The following NDUFAF2 variants were observed in gnomAD, a reference collection of about 807,000 sequenced individuals.
NDUFAF2 encodes the protein NADH dehydrogenase [ubiquinone] 1 alpha subcomplex assembly factor 2.
In NDUFAF2, 13 loss-of-function variants were observed where a neutral mutation model predicts 22.8. The ratio of observed to expected loss-of-function variants is 0.57; its 90% confidence interval spans 0.37 to 0.91. The LOEUF is 0.91. Among genes scored for constraint, NDUFAF2 ranks in the 40% least tolerant of loss-of-function variants. NDUFAF2 has a pLI of 0.01. For synonymous variants in NDUFAF2, 53 were observed against 64.2 expected, an observed-to-expected ratio of 0.83 and a Z score of 0.84; for missense variants, 162 against 195.2, an observed-to-expected ratio of 0.83 and a Z score of 1.01.
intron 2 of NDUFAF2, among the ~76,000 whole-genome samples, chr5:61,092,580 G>A (rs1752582492): frequency 6.6e-6 from 1 of 152,132 alleles, no homozygotes; most frequent in African/African-American, 2.4e-5. Flanking sequence ...CTTTGCTGAA[G>A]TTGCTTATCA....
intron 1 of NDUFAF2, among the ~76,000 whole-genome samples, chr5:60,949,866 C>T (rs904120824): frequency 6.6e-5 from 10 of 152,036 alleles, no homozygotes; most frequent in Admixed American, 2.6e-4. Context: ...CTTTAAAAAA[C>T]GTAATTTCTA....
At chr5:61,100,997 A>G (rs1278057359) in intron 3 of NDUFAF2, among the ~76,000 whole-genome samples, 1 of 152,114 alleles carries the variant, frequency 6.6e-6, no homozygotes, top group African/African-American at 2.4e-5. Context: ...CTTCATCCAT[A>G]CTAGTATCCC....
At chr5:61,137,906 T>TTGCC (rs998950418) in intron 3 of NDUFAF2, among the ~76,000 whole-genome samples, 7 of 152,266 alleles carry the variant, frequency 4.6e-5, no homozygotes, top group Non-Finnish European at 7.3e-5. Context: ...GGAGCAAGTA[T>TTGCC]TGCCCATCAG....
At chr5:61,073,500 C>G (rs1052923642) in intron 2 of NDUFAF2, among the ~76,000 whole-genome samples, 9 of 152,228 alleles carry the variant, frequency 5.9e-5, no homozygotes, top group Admixed American at 2.0e-4. Flanking sequence ...TAAGCAGGCA[C>G]TCACTTTCAT....
chr5:60,992,407 T>G (rs988726135), intron 1 of NDUFAF2, among the ~76,000 whole-genome samples: 3 of 152,244 alleles, frequency 2.0e-5, no homozygotes, highest in African/African-American at 7.2e-5. Flanking sequence ...CCCTACTGTT[T>G]TCTTTTAGTA....
At chr5:60,971,499 G>C (rs1473058431) in intron 1 of NDUFAF2, among the ~76,000 whole-genome samples, 2 of 151,884 alleles carry the variant, frequency 1.3e-5, no homozygotes, top group African/African-American at 4.8e-5. Context: ...GTGTTAGCCA[G>C]GATGGTCTCG....
At position 61,105,629 on chromosome 5, in the gene NDUFAF2, C is replaced by CA. The variant is rs35145386; in HGVS notation, c.258+6612dup. On this transcript the variant is annotated intron_variant, in intron 3 of 3. Coordinates refer to ENST00000296597, the MANE Select transcript of NDUFAF2 (RefSeq NM_174889.5). Reference sequence around the variant, plus strand: ...AAATCTCAGAAGCAATGATACTGAGCAAAAAAAAAAAAAAAGCAGCTACAG... The same window carrying CA: ...AAATCTCAGAAGCAATGATACTGAGCAAAAAAAAAAAAAAAAGCAGCTACAG... Among the ~76,000 whole-genome samples, 731 of 117,672 alleles carry CA rather than the reference C, an allele frequency of 6.2e-3. 14 individuals are homozygous for CA. The highest frequency in any genetic ancestry group is 0.022 in the African/African-American group (632 of 29,292). 77.2% of individuals were successfully genotyped at this position (117,672 alleles called of 152,430 possible). A position where few individuals can be genotyped will look rare whatever the true frequency, so the allele number is the denominator to read the frequency against.
intron 1 of NDUFAF2, among the ~76,000 whole-genome samples, chr5:60,964,793 C>T (rs1041441565): frequency 6.6e-6 from 1 of 152,118 alleles, no homozygotes; most frequent in Non-Finnish European, 1.5e-5. Flanking sequence ...CAATGGAACT[C>T]TTGAACTTAC....
At chr5:60,966,083 CTTG>C (rs1419743089) in intron 1 of NDUFAF2, among the ~76,000 whole-genome samples, 2 of 152,092 alleles carry the variant, frequency 1.3e-5, no homozygotes, top group African/African-American at 2.4e-5. Flanking sequence ...GAAGGTATGT[CTTG>C]TTGTGGTTTT....
chr5:60,984,392 C>T (rs1260217141), intron 1 of NDUFAF2, among the ~76,000 whole-genome samples: 1 of 151,948 alleles, frequency 6.6e-6, no homozygotes, highest in East Asian at 1.9e-4. Flanking sequence ...CCTTTATTTC[C>T]TTCTCCTGCC....
At chr5:60,962,029 A>T (rs1233862586) in intron 1 of NDUFAF2, among the ~76,000 whole-genome samples, 2 of 152,112 alleles carry the variant, frequency 1.3e-5, no homozygotes, top group African/African-American at 4.8e-5. Context: ...ATTGAAGTTC[A>T]ATTTATAAAT....
At chr5:61,105,838 A>G (rs1752756692) in intron 3 of NDUFAF2, among the ~76,000 whole-genome samples, 1 of 151,482 alleles carries the variant, frequency 6.6e-6, no homozygotes, top group Non-Finnish European at 1.5e-5. Flanking sequence ...TATGCAAACC[A>G]TCAATAAAGT....
chr5:61,086,729 TA>T (rs1457948795), intron 2 of NDUFAF2, among the ~76,000 whole-genome samples: 1 of 151,988 alleles, frequency 6.6e-6, no homozygotes, highest in African/African-American at 2.4e-5. Context: ...CAAAAACTAT[TA>T]AATAGGACCC....
intron 1 of NDUFAF2, among the ~76,000 whole-genome samples, chr5:61,049,206 G>A (rs1182148716): frequency 1.3e-5 from 2 of 151,896 alleles, no homozygotes; most frequent in East Asian, 3.9e-4. Context: ...TTATAAATAA[G>A]TCCCTAGAGT....
chr5:60,965,238 G>A (rs761486611), intron 1 of NDUFAF2, among the ~76,000 whole-genome samples: 2 of 152,008 alleles, frequency 1.3e-5, no homozygotes, highest in African/African-American at 4.8e-5. Context: ...ATTTTCCTCC[G>A]ACTTTATTAA....
At chr5:61,029,967 C>G (rs191988709) in intron 1 of NDUFAF2, among the ~76,000 whole-genome samples, 1 of 152,076 alleles carries the variant, frequency 6.6e-6, no homozygotes, top group East Asian at 1.9e-4. Flanking sequence ...CTATGGTGAC[C>G]CAGCAAAAGC....
At chr5:60,954,002 G>A (rs1408577428) in intron 1 of NDUFAF2, among the ~76,000 whole-genome samples, 2 of 152,086 alleles carry the variant, frequency 1.3e-5, no homozygotes, top group African/African-American at 4.8e-5. Flanking sequence ...AGATGTAAAT[G>A]TTCTAAATCA....
intron 3 of NDUFAF2, among the ~76,000 whole-genome samples, chr5:61,145,159 G>T (rs372847059): frequency 1.2e-4 from 19 of 152,252 alleles, no homozygotes; most frequent in African/African-American, 4.6e-4. Flanking sequence ...GCAAGTTGCA[G>T]CATTGAATGC....
chr5:60,982,002 G>A (rs1339919928), intron 1 of NDUFAF2, among the ~76,000 whole-genome samples: 1 of 152,058 alleles, frequency 6.6e-6, no homozygotes, highest in Non-Finnish European at 1.5e-5. Flanking sequence ...AAGTACTAAA[G>A]GACATCTTTG....
Sources: allele counts gnomAD v4.1 joint callset (sites outside exome capture counted in the v4.1 genomes callset), GRCh38; gene constraint gnomAD v4.1.1; transcripts MANE v1.5; gene names NCBI Gene and HGNC (gene_info 2026-07-23, HGNC 2026-07-21).